The following PELI2 variants were observed in gnomAD, a reference collection of about 807,000 sequenced individuals.
The protein encoded by PELI2 is pellino E3 ubiquitin protein ligase family member 2.
Under a neutral mutation model 42.3 loss-of-function variants are expected in PELI2, and 23 were observed. That is an observed-to-expected ratio of 0.54 (90% CI 0.39 to 0.77). The LOEUF is 0.77. Ranked by LOEUF, PELI2 falls within the 30% of genes least tolerant of loss-of-function variation. PELI2 has a pLI of 0.00. For missense variants in PELI2, 463 were observed against 553.2 expected (o/e 0.84, Z 1.64); for synonymous variants, 245 against 212.2 (o/e 1.15, Z -1.34).
chr14:56,213,734 G>C (rs541023004), intron 2 of PELI2, among the ~76,000 whole-genome samples: 84 of 152,214 alleles, frequency 5.5e-4, no homozygotes, highest in South Asian at 1.2e-3. Flanking sequence ...ATTGGTGAGG[G>C]GTAGGAAGAT....
chr14:56,237,150 G>T (rs958077507), intron 2 of PELI2, among the ~76,000 whole-genome samples: 1 of 152,050 alleles, frequency 6.6e-6, no homozygotes, highest in African/African-American at 2.4e-5. Context: ...CACCAGTCAG[G>T]TCCTATTTAT....
chr14:56,181,874 T>TG (rs1566624178), intron 2 of PELI2, among the ~76,000 whole-genome samples: 20 of 145,448 alleles, frequency 1.4e-4, no homozygotes, highest in South Asian at 4.5e-4. Flanking sequence ...GTGTGTGTGT[T>TG]TTTAAATTAA....
intron 3 of PELI2, among the ~76,000 whole-genome samples, chr14:56,281,513 G>A (rs982867417): frequency 2.0e-5 from 3 of 152,024 alleles, no homozygotes; most frequent in Admixed American, 6.6e-5. Context: ...GGCCTAATCT[G>A]GATCACCTAA....
chr14:56,291,284 G>A (rs1183128831), intron 5 of PELI2, among the ~76,000 whole-genome samples: 1 of 152,138 alleles, frequency 6.6e-6, no homozygotes, highest in African/African-American at 2.4e-5. Flanking sequence ...AATGTATACA[G>A]AATAGAGGAT....
At chr14:56,137,589 C>T (rs536599912) in intron 1 of PELI2, among the ~76,000 whole-genome samples, 7 of 152,242 alleles carry the variant, frequency 4.6e-5, no homozygotes, top group South Asian at 2.1e-4. Context: ...AAAAGTGCGT[C>T]GTTTCCCCTT....
In PELI2 at chr14:56,272,021, C is replaced by T. The variant is rs376965697; in HGVS notation, c.208-7655C>T. The stretch of plus-strand genomic sequence containing the variant: ...TCAGAGCAGCTTGGTATCTAGAAAA[C>T]GTTGCTTCAGCATACAAGCCACACC... On this transcript the variant is annotated intron_variant, in intron 2 of 5. Coordinates refer to ENST00000267460, the MANE Select transcript of PELI2 (RefSeq NM_021255.3). Among the ~76,000 whole-genome samples, 9 of 152,286 alleles carry T rather than the reference C, an allele frequency of 5.9e-5. No individual in the cohort carries two copies. The East Asian group carries it at 1.2e-3, about 20-fold the overall frequency.
At position 56,300,576 on chromosome 14, in the gene PELI2, A is replaced by G. The variant is rs1013620615; in HGVS notation, c.*3410A>G. ...TTGTAGAATTGTTACCTGCAGTTCT[A>G]TGGTTTTGTTTCACTTCTTTTCTTT... On this transcript the variant is annotated 3_prime_UTR_variant, in exon 6 of 6. Coordinates refer to ENST00000267460, the MANE Select transcript of PELI2 (RefSeq NM_021255.3). 1 of 151,684 alleles carries G rather than the reference A, an allele frequency of 6.6e-6. No individual in the cohort carries two copies. Among genetic ancestry groups the G allele is most frequent in the Non-Finnish European group, 1.5e-5 (1 of 68,002 alleles). 9.4% of individuals were successfully genotyped at this position (151,684 alleles called of 1,614,324 possible).
At chr14:56,214,831 A>G (rs557193108) in intron 2 of PELI2, among the ~76,000 whole-genome samples, 21 of 152,342 alleles carry the variant, frequency 1.4e-4, no homozygotes, top group Non-Finnish European at 2.2e-4. Flanking sequence ...AAGACAGCTC[A>G]TAGCCTCCGG....
rs1890109441 is a variant in PELI2 at position 56,299,429 on chromosome 14, C to T, written c.*2263C>T. 1 of 152,138 alleles carries T rather than the reference C, an allele frequency of 6.6e-6. No homozygotes were observed. The highest frequency in any genetic ancestry group is 2.4e-5 in the African/African-American group (1 of 41,434). 9.4% of individuals were successfully genotyped at this position (152,138 alleles called of 1,614,324 possible). A position where few individuals can be genotyped will look rare whatever the true frequency, so the allele number is the denominator to read the frequency against. Reference sequence around the variant, plus strand: ...AAATTTGGGAAATAATTTCCAAGCTCTTGGAAGGGGTAACAGTGAACCGCC... The same window carrying T: ...AAATTTGGGAAATAATTTCCAAGCTTTTGGAAGGGGTAACAGTGAACCGCC... On this transcript the variant is annotated 3_prime_UTR_variant, in exon 6 of 6. Coordinates refer to ENST00000267460, the MANE Select transcript of PELI2 (RefSeq NM_021255.3).
At chr14:56,137,747 T>G (rs185158075) in intron 1 of PELI2, among the ~76,000 whole-genome samples, 4 of 152,328 alleles carry the variant, frequency 2.6e-5, no homozygotes, top group Admixed American at 2.6e-4. Flanking sequence ...GTTAAATTGT[T>G]CTGAGTTTAT....
At chr14:56,186,089 G>C (rs1885759438) in intron 2 of PELI2, among the ~76,000 whole-genome samples, 1 of 152,150 alleles carries the variant, frequency 6.6e-6, no homozygotes, top group East Asian at 1.9e-4. Flanking sequence ...ATCCTTAATA[G>C]TGAAAGGGGA....
intron 1 of PELI2, among the ~76,000 whole-genome samples, chr14:56,122,422 C>T (rs1362662661): frequency 1.3e-5 from 2 of 152,172 alleles, no homozygotes; most frequent in Non-Finnish European, 2.9e-5. Flanking sequence ...ACCCTTTCCT[C>T]ACTTTAAGAC....
rs1403459716 is a variant in PELI2, at chr14:56,273,208, G to A, written c.208-6468G>A. Reference sequence around the variant, plus strand: ...TGCTCCCAGGCCTCCCTATCCCCATGTGGCATTTCATTCTCCAGGCCCTCT... The same window carrying A: ...TGCTCCCAGGCCTCCCTATCCCCATATGGCATTTCATTCTCCAGGCCCTCT... On this transcript the variant is annotated intron_variant, in intron 2 of 5. Coordinates refer to ENST00000267460, the MANE Select transcript of PELI2 (RefSeq NM_021255.3). This position sits in a 1 kb window ranked among gnomAD's most constrained non-coding sequence, Gnocchi z 4.3. 1.3e-5 allele frequency among the ~76,000 whole-genome samples: 2 copies of A among 152,202 alleles called. No individual in the cohort carries two copies. Among genetic ancestry groups the A allele is most frequent in the Non-Finnish European group, 2.9e-5 (2 of 68,038 alleles).
At chr14:56,296,471 GT>G (rs1594724366) in intron 5 of PELI2, 128 bp from the exon 6 acceptor site, 2 of 638,170 alleles carry the variant, frequency 3.1e-6, no homozygotes, top group Admixed American at 2.9e-5. Context: ...CCCCAGTTCT[GT>G]TTTTGTGGGA....
At chr14:56,141,987 G>A (rs1360476274) in intron 1 of PELI2, among the ~76,000 whole-genome samples, 2 of 152,198 alleles carry the variant, frequency 1.3e-5, no homozygotes, top group Admixed American at 6.5e-5. Flanking sequence ...TATCAGTGTA[G>A]TTCTGATCTT....
rs573099929 is a variant in PELI2, at chr14:56,292,670, T to C, written c.696+2214T>C. 7.4e-6 allele frequency: 3 copies of C among 404,024 alleles called. No individual in the cohort carries two copies. In the South Asian group the frequency reaches 3.0e-4, roughly 41 times the overall value. The allele number at this position is 404,024 out of a possible 1,614,324, so 25.0% of individuals were successfully genotyped here. Reference sequence around the variant, plus strand: ...ACTGAGCATTTGATATGAATCAATATACTAATGTATGTGTAACAAGAAATC... The same window carrying C: ...ACTGAGCATTTGATATGAATCAATACACTAATGTATGTGTAACAAGAAATC... On this transcript the variant is annotated intron_variant, in intron 5 of 5. Transcript: ENST00000267460.
At chr14:56,226,862 T>C (rs146925274) in intron 2 of PELI2, among the ~76,000 whole-genome samples, 106 of 152,334 alleles carry the variant, frequency 7.0e-4, no homozygotes, top group African/African-American at 2.2e-3. Context: ...TAAAAACTCA[T>C]GTTTGGTGAT....
chr14:56,142,016 C>A (rs1883930830), intron 1 of PELI2, among the ~76,000 whole-genome samples: 1 of 152,066 alleles, frequency 6.6e-6, no homozygotes, highest in South Asian at 2.1e-4. Flanking sequence ...CTAGAGAGTT[C>A]TTTTATTGGC....
intron 1 of PELI2, among the ~76,000 whole-genome samples, chr14:56,161,919 A>G (rs993656830): frequency 5.3e-5 from 8 of 152,182 alleles, no homozygotes; most frequent in African/African-American, 1.4e-4. Flanking sequence ...TTCTCTGGCC[A>G]GAAATCAAAC....
Sources: gnomAD v4.1 joint callset for allele counts (sites outside exome capture counted in the v4.1 genomes callset) on GRCh38, gnomAD v4.1.1 for gene constraint, Gnocchi (gnomAD v3.1) non-coding constraint, MANE v1.5 for transcripts, NCBI Gene and HGNC (gene_info 2026-07-23, HGNC 2026-07-21) for gene names.